The following VIPR2 variants were observed in gnomAD, a reference collection of about 807,000 sequenced individuals.
VIPR2 encodes vasoactive intestinal peptide receptor 2.
Under a neutral mutation model 58.0 loss-of-function variants are expected in VIPR2, and 48 were observed. The observed-to-expected ratio is 0.83, with a 90% confidence interval of 0.66 to 1.05. The LOEUF is 1.05. Ranked by LOEUF, VIPR2 falls within the 50% of genes least tolerant of loss-of-function variation. VIPR2 has a pLI of 0.00. For synonymous variants in VIPR2, 243 were observed against 235.2 expected, an observed-to-expected ratio of 1.03 and a Z score of -0.30; for missense variants, 534 against 558.0, an observed-to-expected ratio of 0.96 and a Z score of 0.43.
intron 4 of VIPR2, among the ~76,000 whole-genome samples, chr7:159,078,594 T>A (rs1353042876): frequency 6.6e-6 from 1 of 152,178 alleles, no homozygotes; most frequent in Non-Finnish European, 1.5e-5. Context: ...TGCATTTGAG[T>A]CTTGTTGGAA....
At chr7:159,103,573 T>C (rs988976477) in intron 4 of VIPR2, among the ~76,000 whole-genome samples, 184 bp downstream of exon 4, 7 of 151,836 alleles carry the variant, frequency 4.6e-5, no homozygotes, top group South Asian at 2.1e-4. Flanking sequence ...AATCAAACAA[T>C]CCCAAGTGCC....
At chr7:159,131,573 G>A (rs1344060809) in intron 2 of VIPR2, among the ~76,000 whole-genome samples, 1 of 152,162 alleles carries the variant, frequency 6.6e-6, no homozygotes, top group Non-Finnish European at 1.5e-5. Flanking sequence ...ACAGGACTTT[G>A]CTGCTTTAAG....
Position 159,096,962 on chromosome 7 carries a change from G to T in VIPR2, c.357+6795C>A. 6.4e-7 allele frequency: 1 copy of T among 1,550,624 alleles called. No homozygotes were observed. The highest frequency in any genetic ancestry group is 1.2e-5 in the South Asian group (1 of 84,054). On this transcript the variant is annotated intron_variant, in intron 4 of 12. Coordinates refer to ENST00000262178, the MANE Select transcript of VIPR2 (RefSeq NM_003382.5). The surrounding 1 kb of genome is among the most constrained non-coding windows in gnomAD (Gnocchi z 5.5). ...GCTGGCATTGAGCTTGGCACCTGCT[G>T]GGCCTGAGGACCATGAGGGGAGGCT...
intron 3 of VIPR2, among the ~76,000 whole-genome samples, chr7:159,106,769 AG>A: frequency 6.7e-6 from 1 of 148,714 alleles, no homozygotes; most frequent in African/African-American, 2.5e-5. Context: ...GTAGGGGCAG[AG>A]AGGCCGGGGA....
chr7:159,123,508 G>A (rs1796545717), intron 2 of VIPR2, among the ~76,000 whole-genome samples: 1 of 152,078 alleles, frequency 6.6e-6, no homozygotes, highest in Non-Finnish European at 1.5e-5. Context: ...TGGCTGCATA[G>A]TATTCCATGG....
At chr7:159,110,047 T>C in intron 2 of VIPR2, 128 bp from the exon 3 acceptor site, 1 of 815,506 alleles carries the variant, frequency 1.2e-6, no homozygotes, top group Non-Finnish European at 2.0e-6. Context: ...AACACAATTA[T>C]TGAGACTATA....
At chr7:159,120,798 A>G (rs1796426199) in intron 2 of VIPR2, among the ~76,000 whole-genome samples, 1 of 152,158 alleles carries the variant, frequency 6.6e-6, no homozygotes, top group African/African-American at 2.4e-5. Context: ...CACCTCTGTG[A>G]GCAGGTGCCT....
intron 4 of VIPR2, among the ~76,000 whole-genome samples, chr7:159,063,485 C>A (rs1585395716): frequency 1.3e-5 from 2 of 152,134 alleles, no homozygotes; most frequent in East Asian, 3.9e-4. Flanking sequence ...GGGCCGCGCA[C>A]AGCCCCGGTT....
Position 159,070,548 on chromosome 7 carries a change from T to C in VIPR2, c.358-11970A>G, listed in dbSNP as rs1316039161. ...ATCCAGGACATTCATGGACGCTTAA[T>C]AGGATGCAGACAGCACGTCAGGCGT... On this transcript the variant is annotated intron_variant, in intron 4 of 12. Transcript: ENST00000262178. Among the ~76,000 whole-genome samples, 3 of 152,220 alleles carry C rather than the reference T, an allele frequency of 2.0e-5. No individual in the cohort carries two copies. In the East Asian group the frequency reaches 5.8e-4, roughly 29 times the overall value.
intron 5 of VIPR2, among the ~76,000 whole-genome samples, chr7:159,044,829 A>T (rs903554567): frequency 6.6e-6 from 1 of 151,918 alleles, no homozygotes. Context: ...GCAATGGCGC[A>T]ATCTTGGCTC....
rs1005747395 is a variant in VIPR2, at chr7:159,043,184, G to A, written c.456-8C>T. The A allele has an allele frequency of 1.2e-6, 2 of 1,608,784 alleles. No individual in the cohort carries two copies. Among genetic ancestry groups the A allele is most frequent in the South Asian group, 2.2e-5 (2 of 90,288 alleles). ...CTGGTGCAGTGCAGCTTCCTGAGGT[G>A]GGGGAGTGGGAGAGAGAGGAATTGG... On this transcript the variant is annotated splice_region_variant and splice_polypyrimidine_tract_variant and intron_variant, in intron 5 of 12. Coordinates refer to ENST00000262178, the MANE Select transcript of VIPR2 (RefSeq NM_003382.5).
At chr7:159,038,381 G>A (rs1218725699) in intron 6 of VIPR2, among the ~76,000 whole-genome samples, 1 of 152,120 alleles carries the variant, frequency 6.6e-6, no homozygotes, top group African/African-American at 2.4e-5. Context: ...AGAGTAAGGC[G>A]AGTGCCTGCA....
intron 2 of VIPR2, among the ~76,000 whole-genome samples, chr7:159,137,732 A>G (rs1797288712): frequency 6.6e-6 from 1 of 152,226 alleles, no homozygotes; most frequent in Non-Finnish European, 1.5e-5. Context: ...TTAAATATCC[A>G]AGACGAGGAA....
At chr7:159,039,206 C>T (rs1007338980) in intron 6 of VIPR2, among the ~76,000 whole-genome samples, 13 of 152,226 alleles carry the variant, frequency 8.5e-5, no homozygotes, top group Non-Finnish European at 1.9e-4. Context: ...CACCTGTAAT[C>T]CCAGCACTTT....
chr7:159,096,127 G>T lies in VIPR2; in HGVS notation c.357+7630C>A, dbSNP rs1857824324. On this transcript the variant is annotated intron_variant, in intron 4 of 12. Coordinates refer to ENST00000262178, the MANE Select transcript of VIPR2 (RefSeq NM_003382.5). This position sits in a 1 kb window ranked among gnomAD's most constrained non-coding sequence, Gnocchi z 5.5. ...CCACATACAGACCTCCCCTTAAGGGGAGCAGCAGGGAGGCTGGACCCTTCC... is the reference window on the plus strand; with the variant it reads ...CCACATACAGACCTCCCCTTAAGGGTAGCAGCAGGGAGGCTGGACCCTTCC... Among the ~76,000 whole-genome samples the T allele has an allele frequency of 6.6e-6, 1 of 152,166 alleles. No individual in the cohort carries two copies. The highest frequency in any genetic ancestry group is 1.5e-5 in the Non-Finnish European group (1 of 68,036).
rs116159048 is a variant in VIPR2 at position 159,122,300 on chromosome 7, C to T, written c.152-12381G>A. ...ATCAAATTCTAGTTCAAAGGAACCC[C>T]GAGGTCATGCACCAAAGGCTACACA... On this transcript the variant is annotated intron_variant, in intron 2 of 12. Transcript: ENST00000262178. 2.9e-3 allele frequency among the ~76,000 whole-genome samples: 443 copies of T among 152,274 alleles called. 1 individual carries two copies. Among genetic ancestry groups the T allele is most frequent in the African/African-American group, 0.01 (424 of 41,556 alleles).
At position 159,127,449 on chromosome 7, in the gene VIPR2, T is replaced by C. The variant is rs1036984197; in HGVS notation, c.151+14997A>G. On this transcript the variant is annotated intron_variant, in intron 2 of 12. Coordinates refer to ENST00000262178, the MANE Select transcript of VIPR2 (RefSeq NM_003382.5). This position sits in a 1 kb window ranked among gnomAD's most constrained non-coding sequence, Gnocchi z 4.6. ...AGAGGATTTTTCAAAGTAACGTTTA[T>C]AGGTCCAGATAGAACCTATGAATTT... Among the ~76,000 whole-genome samples the C allele has an allele frequency of 1.1e-4, 16 of 152,236 alleles. No homozygotes were observed. The highest frequency in any genetic ancestry group is 6.5e-4 in the Admixed American group (10 of 15,284).
chr7:159,101,050 CA>C, intron 4 of VIPR2, among the ~76,000 whole-genome samples: 1 of 144,470 alleles, frequency 6.9e-6, no homozygotes, highest in Non-Finnish European at 1.5e-5. Context: ...CGAGATCCGA[CA>C]AGGCCGTTCC....
intron 4 of VIPR2, among the ~76,000 whole-genome samples, chr7:159,082,180 G>T (rs556169323): frequency 6.6e-6 from 1 of 152,142 alleles, no homozygotes; most frequent in African/African-American, 2.4e-5. Flanking sequence ...GTTTACTGTG[G>T]CACTATTCAC....
Sources: allele counts gnomAD v4.1 joint callset (sites outside exome capture counted in the v4.1 genomes callset), GRCh38; gene constraint gnomAD v4.1.1; non-coding constraint Gnocchi (gnomAD v3.1); transcripts MANE v1.5; gene names NCBI Gene and HGNC (gene_info 2026-07-23, HGNC 2026-07-21).